The following EBF1 variants were observed in gnomAD, a reference collection of about 807,000 sequenced individuals.
The protein encoded by EBF1 is transcription factor COE1.
A neutral mutation model predicts 68.4 loss-of-function variants in EBF1; 10 were observed. The observed-to-expected ratio is 0.15, with a 90% CI of 0.09 to 0.25. The LOEUF is 0.25. Ranked by LOEUF, EBF1 falls within the 10% of genes least tolerant of loss-of-function variation. The pLI is 1.00. For missense variants in EBF1, 509 were observed against 794.4 expected (o/e 0.64, Z 4.32); for synonymous variants, 298 against 299.8 (o/e 0.99, Z 0.06).
intron 6 of EBF1, among the ~76,000 whole-genome samples, chr5:158,886,607 T>A (rs1800093413): frequency 6.6e-6 from 1 of 152,212 alleles, no homozygotes; most frequent in Non-Finnish European, 1.5e-5. Context: ...GATATTTACA[T>A]AAGGTAATGC....
intron 2 of EBF1, 147 bp from the exon 3 acceptor site, chr5:159,096,553 A>G (rs1782641523): frequency 3.6e-6 from 3 of 830,306 alleles, no homozygotes; most frequent in East Asian, 2.6e-5. Flanking sequence ...ATTGTGGCCA[A>G]TTGTGATCCC....
chr5:158,728,654 C>T (rs1019120559), intron 11 of EBF1, among the ~76,000 whole-genome samples: 8 of 152,190 alleles, frequency 5.3e-5, no homozygotes, highest in Admixed American at 2.6e-4. Context: ...GCCTTGACCA[C>T]CTAGGCTTAA....
chr5:159,071,253 A>T (rs940627085), intron 6 of EBF1, among the ~76,000 whole-genome samples: 5 of 152,222 alleles, frequency 3.3e-5, no homozygotes, highest in African/African-American at 1.2e-4. Flanking sequence ...GCGAATAAAC[A>T]TATGCTGTGG....
intron 6 of EBF1, among the ~76,000 whole-genome samples, chr5:158,878,631 ACTT>A (rs1191855343): frequency 1.5e-5 from 2 of 131,992 alleles, no homozygotes; most frequent in African/African-American, 5.8e-5. Flanking sequence ...ACACATTTCT[ACTT>A]CTAGCCAGCC....
chr5:158,958,999 C>T (rs542684093), intron 6 of EBF1, among the ~76,000 whole-genome samples: 1 of 152,278 alleles, frequency 6.6e-6, no homozygotes, highest in South Asian at 2.1e-4. Context: ...GCTACTTAAA[C>T]AATGTAAGTG....
intron 6 of EBF1, among the ~76,000 whole-genome samples, chr5:159,032,813 C>T (rs1769192885): frequency 1.3e-5 from 2 of 152,146 alleles, no homozygotes; most frequent in African/African-American, 4.8e-5. Flanking sequence ...TCAGTGCTTA[C>T]AACCAAATTA....
At chr5:158,742,664 T>A (rs772325224) in intron 10 of EBF1, among the ~76,000 whole-genome samples, 60 of 152,216 alleles carry the variant, frequency 3.9e-4, no homozygotes, top group Admixed American at 1.3e-4. Context: ...GATGTGGGGT[T>A]CTAGAACAGC....
At chr5:158,958,266 G>C (rs572391017) in intron 6 of EBF1, among the ~76,000 whole-genome samples, 1 of 152,158 alleles carries the variant, frequency 6.6e-6, no homozygotes, top group Non-Finnish European at 1.5e-5. Flanking sequence ...TGGCAGAGGG[G>C]GAAAAGAGGG....
chr5:158,958,267 G>C (rs541269753), intron 6 of EBF1, among the ~76,000 whole-genome samples: 3 of 152,308 alleles, frequency 2.0e-5, no homozygotes, highest in African/African-American at 7.2e-5. Context: ...GGCAGAGGGG[G>C]AAAAGAGGGA....
chr5:159,005,635 T>A (rs958316762), intron 6 of EBF1, among the ~76,000 whole-genome samples: 26 of 152,162 alleles, frequency 1.7e-4, no homozygotes, highest in African/African-American at 6.3e-4. Flanking sequence ...ATCAGAGTTG[T>A]ACATGCTTTT....
At chr5:159,086,555 C>T (rs1279968005) in intron 4 of EBF1, among the ~76,000 whole-genome samples, 1 of 152,152 alleles carries the variant, frequency 6.6e-6, no homozygotes, top group Non-Finnish European at 1.5e-5. Flanking sequence ...TTGGGTTTGC[C>T]TGCGTTTCCT....
chr5:159,007,979 A>G (rs966510153), intron 6 of EBF1, among the ~76,000 whole-genome samples: 1 of 152,228 alleles, frequency 6.6e-6, no homozygotes, highest in Non-Finnish European at 1.5e-5. Context: ...CTACCATAGC[A>G]TACCAAGTGA....
At chr5:158,920,320 A>T (rs987200544) in intron 6 of EBF1, among the ~76,000 whole-genome samples, 3 of 152,174 alleles carry the variant, frequency 2.0e-5, no homozygotes, top group Non-Finnish European at 2.9e-5. Context: ...CCAAACCCAG[A>T]TTTGTCTGGT....
chr5:158,964,906 G>T (rs909424083), intron 6 of EBF1, among the ~76,000 whole-genome samples: 3 of 152,180 alleles, frequency 2.0e-5, no homozygotes, highest in African/African-American at 7.2e-5. Context: ...AAATCATCAA[G>T]ATGTGTAAGA....
chr5:158,797,370 G>A (rs1779778803), intron 8 of EBF1, among the ~76,000 whole-genome samples: 1 of 152,190 alleles, frequency 6.6e-6, no homozygotes, highest in Non-Finnish European at 1.5e-5. Flanking sequence ...TCGTGCCACT[G>A]AGGGTTTTTA....
chr5:158,751,235 A>T (rs1284829178), intron 10 of EBF1, among the ~76,000 whole-genome samples: 1 of 152,088 alleles, frequency 6.6e-6, no homozygotes, highest in Non-Finnish European at 1.5e-5. Flanking sequence ...TTTTCTCTAA[A>T]TTTTCTAAAT....
At chr5:158,825,025 G>C (rs1257609419) in intron 7 of EBF1, among the ~76,000 whole-genome samples, 1 of 152,234 alleles carries the variant, frequency 6.6e-6, no homozygotes, top group African/African-American at 2.4e-5. Context: ...CTTAGCCACT[G>C]TGAAACCCCA....
chr5:158,907,224 G>A (rs550557058), intron 6 of EBF1, among the ~76,000 whole-genome samples: 115 of 152,310 alleles, frequency 7.6e-4, no homozygotes, highest in Non-Finnish European at 1.4e-3. Context: ...ACAGTGGAGC[G>A]AAGGTGACAA....
At chr5:158,829,515 A>G (rs1190221808) in intron 7 of EBF1, among the ~76,000 whole-genome samples, 7 of 151,772 alleles carry the variant, frequency 4.6e-5, no homozygotes, top group Admixed American at 4.6e-4. Context: ...TAACATATTA[A>G]TATTGGCACA....
Sources: gnomAD v4.1 joint callset for allele counts (sites outside exome capture counted in the v4.1 genomes callset) on GRCh38, gnomAD v4.1.1 for gene constraint, MANE v1.5 for transcripts, NCBI Gene and HGNC (gene_info 2026-07-23, HGNC 2026-07-21) for gene names.